EBF1: variants seen among roughly 807,000 people sequenced by gnomAD.
EBF1 encodes transcription factor COE1.
EBF1 carries 10 observed loss-of-function variants against 68.4 expected under a neutral mutation model. The observed-to-expected ratio is 0.15, with a 90% CI of 0.09 to 0.25. The LOEUF (loss-of-function observed/expected upper bound fraction) is 0.25. EBF1 is among the 10% of genes least tolerant of loss of function. EBF1 has a pLI of 1.00. For missense variants in EBF1, 509 were observed against 794.4 expected (o/e 0.64, Z 4.32); for synonymous variants, 298 against 299.8 (o/e 0.99, Z 0.06).
chr5:158,913,792 C>T (rs918008962), intron 6 of EBF1, among the ~76,000 whole-genome samples: 8 of 152,048 alleles, frequency 5.3e-5, no homozygotes, highest in Non-Finnish European at 1.0e-4. Flanking sequence ...GCCATGAGAG[C>T]GCGAGTATTA....
intron 6 of EBF1, among the ~76,000 whole-genome samples, chr5:158,962,649 A>G (rs1431491627): frequency 2.0e-4 from 31 of 152,234 alleles, no homozygotes; most frequent in Admixed American, 2.0e-3. Context: ...TAAGAGAATG[A>G]AAGTAAATAC....
At chr5:158,888,996 A>G (rs772522424) in intron 6 of EBF1, among the ~76,000 whole-genome samples, 5 of 151,948 alleles carry the variant, frequency 3.3e-5, no homozygotes, top group Non-Finnish European at 7.4e-5. Context: ...CTCCCATCCC[A>G]TCCATGTATT....
intron 9 of EBF1, among the ~76,000 whole-genome samples, chr5:158,787,888 A>G (rs1172569359): frequency 2.6e-5 from 4 of 152,224 alleles, no homozygotes; most frequent in African/African-American, 9.6e-5. Flanking sequence ...CATACTTATT[A>G]CACAACAATT....
intron 6 of EBF1, among the ~76,000 whole-genome samples, chr5:159,007,262 A>T (rs1346805498): frequency 6.6e-6 from 1 of 152,220 alleles, no homozygotes; most frequent in Non-Finnish European, 1.5e-5. Context: ...AAAAGGGGAC[A>T]CAGACTTCTT....
At chr5:159,001,712 C>G (rs1172551030) in intron 6 of EBF1, among the ~76,000 whole-genome samples, 1 of 152,220 alleles carries the variant, frequency 6.6e-6, no homozygotes, top group Non-Finnish European at 1.5e-5. Context: ...CTCCCCAAAA[C>G]AGATGAAGGT....
chr5:158,798,270 T>A (rs2127750679), intron 8 of EBF1, among the ~76,000 whole-genome samples: 1 of 152,340 alleles, frequency 6.6e-6, no homozygotes, highest in Admixed American at 6.5e-5. Flanking sequence ...TTAACTGAAT[T>A]GGTCTTGAGA....
chr5:158,726,482 G>C (rs1425129793), intron 11 of EBF1, among the ~76,000 whole-genome samples: 1 of 152,206 alleles, frequency 6.6e-6, no homozygotes, highest in Non-Finnish European at 1.5e-5. Context: ...TATAGGACAT[G>C]AAGAACAAGA....
chr5:158,779,150 A>C (rs1400504371), intron 9 of EBF1, among the ~76,000 whole-genome samples: 1 of 152,200 alleles, frequency 6.6e-6, no homozygotes, highest in Non-Finnish European at 1.5e-5. Context: ...AAACTTGTAG[A>C]GTACCCAGGA....
chr5:159,063,387 G>A (rs1776201847), intron 6 of EBF1, among the ~76,000 whole-genome samples: 1 of 152,178 alleles, frequency 6.6e-6, no homozygotes, highest in Admixed American at 6.5e-5. Context: ...GAGCTAAAAG[G>A]TGACTTTAAC....
rs369391480 is a variant in EBF1 at position 159,025,278 on chromosome 5, A to G, written c.554+48118T>C. Reference sequence around the variant, plus strand: ...GCTCTGCTCTTCTTATATTTTACACAGTCTGATAGATGTTAGAAAATTCTT... The same window carrying G: ...GCTCTGCTCTTCTTATATTTTACACGGTCTGATAGATGTTAGAAAATTCTT... On this transcript the variant is annotated intron_variant, in intron 6 of 15. Coordinates refer to ENST00000313708, the MANE Select transcript of EBF1 (RefSeq NM_024007.5). Among the ~76,000 whole-genome samples the G allele has an allele frequency of 3.9e-5, 6 of 152,306 alleles. No homozygotes were observed. In the East Asian group the frequency reaches 9.6e-4, roughly 24 times the overall value.
intron 6 of EBF1, among the ~76,000 whole-genome samples, chr5:158,882,846 CGG>C (rs1326397771): frequency 2.0e-5 from 3 of 152,178 alleles, no homozygotes; most frequent in Non-Finnish European, 4.4e-5. Flanking sequence ...CACCCCAAGA[CGG>C]TGCAGAGCCC....
At chr5:159,046,786 T>C (rs1048443432) in intron 6 of EBF1, among the ~76,000 whole-genome samples, 1 of 152,120 alleles carries the variant, frequency 6.6e-6, no homozygotes, top group African/African-American at 2.4e-5. Flanking sequence ...GTGTTCTGAG[T>C]AAAGTGGGTG....
intron 10 of EBF1, among the ~76,000 whole-genome samples, chr5:158,757,818 A>AGGGGCCC: frequency 6.6e-6 from 1 of 152,298 alleles, no homozygotes; most frequent in East Asian, 1.9e-4. Context: ...TGGTAGAGTA[A>AGGGGCCC]GTGCTTTGTG....
intron 6 of EBF1, among the ~76,000 whole-genome samples, chr5:159,017,618 A>T (rs1359135379): frequency 6.6e-6 from 1 of 152,228 alleles, no homozygotes; most frequent in Non-Finnish European, 1.5e-5. Context: ...AAATTTTGAA[A>T]AAGAAATGTA....
intron 6 of EBF1, among the ~76,000 whole-genome samples, chr5:159,031,311 G>A (rs1305104214): frequency 5.9e-5 from 9 of 152,246 alleles, no homozygotes; most frequent in African/African-American, 2.2e-4. Context: ...GATCCTGTAT[G>A]TGGAATTCTT....
At chr5:159,016,622 C>G (rs1489294917) in intron 6 of EBF1, among the ~76,000 whole-genome samples, 1 of 152,140 alleles carries the variant, frequency 6.6e-6, no homozygotes, top group Non-Finnish European at 1.5e-5. Context: ...TCTGAAGAAC[C>G]TAGGCACCAA....
intron 6 of EBF1, among the ~76,000 whole-genome samples, chr5:158,938,569 G>A (rs1412740234): frequency 6.6e-6 from 1 of 152,226 alleles, no homozygotes; most frequent in Non-Finnish European, 1.5e-5. Flanking sequence ...TGAAGGCTGA[G>A]AAGTCCAAGA....
In EBF1 at chr5:158,828,224, T is replaced by A. The variant is rs573676839; in HGVS notation, c.637-4907A>T. Reference sequence around the variant, plus strand: ...ACTATTGATATCCCAGGGAATTATGTTGAGGGTAAAAAGCCAGTAACCAGG... The same window carrying A: ...ACTATTGATATCCCAGGGAATTATGATGAGGGTAAAAAGCCAGTAACCAGG... On this transcript the variant is annotated intron_variant, in intron 7 of 15. Transcript: ENST00000313708. Among the ~76,000 whole-genome samples the A allele has an allele frequency of 2.0e-4, 30 of 152,314 alleles. No homozygotes were observed. In the East Asian group the frequency reaches 5.4e-3, roughly 27 times the overall value.
intron 6 of EBF1, among the ~76,000 whole-genome samples, chr5:159,047,895 G>A: frequency 6.6e-6 from 1 of 152,132 alleles, no homozygotes; most frequent in East Asian, 1.9e-4. Flanking sequence ...CTTCTTGGAA[G>A]GACACATGTT....
Sources: allele counts gnomAD v4.1 joint callset (sites outside exome capture counted in the v4.1 genomes callset), GRCh38; gene constraint gnomAD v4.1.1; transcripts MANE v1.5; gene names NCBI Gene and HGNC (gene_info 2026-07-23, HGNC 2026-07-21).